The following SCAPER variants were observed in gnomAD, a reference collection of about 807,000 sequenced individuals.
SCAPER encodes the protein S phase cyclin A-associated protein in the endoplasmic reticulum.
A neutral mutation model predicts 182.2 loss-of-function variants in SCAPER; 98 were observed. That is an observed-to-expected ratio of 0.54 (90% CI 0.46 to 0.64). SCAPER has a LOEUF of 0.64. Ranked by LOEUF, SCAPER falls within the 30% of genes least tolerant of loss-of-function variation. The pLI, the probability that SCAPER is intolerant of heterozygous loss-of-function variation, is 0.00. For missense variants in SCAPER, 1,432 were observed against 1,690.0 expected, an observed-to-expected ratio of 0.85 and a Z score of 2.68; for synonymous variants, 605 against 564.6, an observed-to-expected ratio of 1.07 and a Z score of -1.01.
At chr15:76,595,605 A>G (rs1372291706) in intron 22 of SCAPER, among the ~76,000 whole-genome samples, 2 of 122,194 alleles carry the variant, frequency 1.6e-5, no homozygotes, top group African/African-American at 5.0e-5. Flanking sequence ...AGAAATCATA[A>G]CAAACAGTCT....
At chr15:76,479,685 C>T (rs1213962164) in intron 24 of SCAPER, among the ~76,000 whole-genome samples, 2 of 152,036 alleles carry the variant, frequency 1.3e-5, no homozygotes, top group Non-Finnish European at 2.9e-5. Context: ...AGAAAAGCTC[C>T]AGGTGGTTGC....
At chr15:76,733,531 C>A in intron 15 of SCAPER, 147 bp from the exon 16 acceptor site, 1 of 892,440 alleles carries the variant, frequency 1.1e-6, no homozygotes, top group East Asian at 2.8e-5. Context: ...GGCGGATCAC[C>A]TGAAGTTGGG....
Position 76,869,938 on chromosome 15 carries a change from T to G in SCAPER, c.7-7405A>C, listed in dbSNP as rs115205929. On this transcript the variant is annotated intron_variant, in intron 2 of 31. Coordinates refer to ENST00000563290, the MANE Select transcript of SCAPER (RefSeq NM_020843.4). ...TGAAAAAGAATAAAATCCTGTCACT[T>G]GCAACAACATAGATGGAACTGGAGG... 2.7e-3 allele frequency among the ~76,000 whole-genome samples: 408 copies of G among 152,300 alleles called. 1 individual carries two copies. The highest frequency in any genetic ancestry group is 9.5e-3 in the African/African-American group (395 of 41,554).
chr15:76,634,972 G>C (rs1567659643), intron 21 of SCAPER, among the ~76,000 whole-genome samples: 1 of 151,960 alleles, frequency 6.6e-6, no homozygotes, highest in Non-Finnish European at 1.5e-5. Context: ...TTTTAACATA[G>C]GCTAATTAAT....
intron 14 of SCAPER, among the ~76,000 whole-genome samples, chr15:76,756,985 C>G (rs1039694917): frequency 7.3e-6 from 1 of 137,896 alleles, no homozygotes; most frequent in African/African-American, 2.7e-5. Flanking sequence ...TCTAAATACA[C>G]AGACTCTCTT....
intron 21 of SCAPER, among the ~76,000 whole-genome samples, chr15:76,638,910 G>T (rs911970785): frequency 6.6e-6 from 1 of 152,062 alleles, no homozygotes; most frequent in African/African-American, 2.4e-5. Context: ...TGCAAGTTAG[G>T]CAACCATTTT....
intron 24 of SCAPER, among the ~76,000 whole-genome samples, chr15:76,497,367 T>A (rs2143595136): frequency 6.6e-6 from 1 of 152,056 alleles, no homozygotes; most frequent in South Asian, 2.1e-4. Flanking sequence ...TGCTCTTGAG[T>A]CAGATGACCT....
intron 22 of SCAPER, among the ~76,000 whole-genome samples, chr15:76,600,742 GC>G (rs2049877805): frequency 8.4e-6 from 1 of 119,744 alleles, no homozygotes; most frequent in South Asian, 2.6e-4. Context: ...GAGCCACTGC[GC>G]CCCACCCAGA....
chr15:76,471,320 T>C lies in SCAPER; in HGVS notation c.2970A>G (p.Ala990=), dbSNP rs1403590696. 2 of 1,609,436 alleles carry C rather than the reference T, an allele frequency of 1.2e-6. No individual in the cohort carries two copies. Among genetic ancestry groups the C allele is most frequent in the Non-Finnish European group, 1.7e-6 (2 of 1,178,000 alleles). The change falls in exon 25 of 32, where the codon GCA becomes GCG. Residue 990 remains alanine (A), a synonymous_variant. Coordinates refer to ENST00000563290, the MANE Select transcript of SCAPER (RefSeq NM_020843.4). ...LRIPPKSLCN[A]INVYNLTCNN... is the part of the protein sequence containing the mutation. ...TGCAGGTGAGGTTGTAAACATTGAT[T>C]GCATTGCAGAGAGACCTAAAAGAAG...
chr15:76,596,958 G>C (rs2049554605), intron 22 of SCAPER, among the ~76,000 whole-genome samples: 1 of 121,578 alleles, frequency 8.2e-6, no homozygotes, highest in Non-Finnish European at 2.0e-5. Context: ...GTTCTGGCCA[G>C]GACAATCAGG....
At chr15:76,831,429 C>T (rs1224480312) in intron 5 of SCAPER, among the ~76,000 whole-genome samples, 1 of 151,762 alleles carries the variant, frequency 6.6e-6, no homozygotes, top group Admixed American at 6.6e-5. Context: ...AGGACCCTGC[C>T]GGCACACACA....
intron 2 of SCAPER, among the ~76,000 whole-genome samples, chr15:76,876,747 T>A (rs1185079438): frequency 6.6e-6 from 1 of 152,134 alleles, no homozygotes; most frequent in Non-Finnish European, 1.5e-5. Flanking sequence ...ACAGCAAACA[T>A]CATATATAAT....
At chr15:76,793,787 T>C (rs117159397) in intron 8 of SCAPER, among the ~76,000 whole-genome samples, 1,676 of 152,358 alleles carry the variant, frequency 0.011, 11 homozygotes, top group Admixed American at 0.019. Flanking sequence ...AATCCTGATT[T>C]ATAGCTAGTT....
intron 26 of SCAPER, among the ~76,000 whole-genome samples, chr15:76,422,787 A>T (rs2046139087): frequency 2.6e-5 from 4 of 152,346 alleles, no homozygotes; most frequent in East Asian, 1.9e-4. Flanking sequence ...ATTTTGAGAT[A>T]CGACCCATCA....
At chr15:76,820,174 G>A (rs367772265) in intron 5 of SCAPER, among the ~76,000 whole-genome samples, 73 of 152,124 alleles carry the variant, frequency 4.8e-4, no homozygotes, top group South Asian at 6.2e-4. Context: ...TGTGGAAGTC[G>A]GTGTGGCGAT....
At chr15:76,494,674 G>A (rs1373429249) in intron 24 of SCAPER, among the ~76,000 whole-genome samples, 7 of 152,008 alleles carry the variant, frequency 4.6e-5, no homozygotes, top group Admixed American at 2.0e-4. Flanking sequence ...CGCAACCTTC[G>A]AACCAAATAG....
At chr15:76,386,124 T>C (rs1394941292) in intron 27 of SCAPER, among the ~76,000 whole-genome samples, 3 of 152,200 alleles carry the variant, frequency 2.0e-5, no homozygotes, top group Non-Finnish European at 4.4e-5. Context: ...TTCAAATCTC[T>C]TTCTAACGCT....
intron 21 of SCAPER, among the ~76,000 whole-genome samples, chr15:76,648,526 A>G (rs1246099092): frequency 6.6e-6 from 1 of 152,224 alleles, no homozygotes; most frequent in East Asian, 1.9e-4. Flanking sequence ...ACAGATTCAA[A>G]AAGCTAAATG....
chr15:76,893,683 T>C (rs2074277622), intron 1 of SCAPER, among the ~76,000 whole-genome samples: 1 of 152,166 alleles, frequency 6.6e-6, no homozygotes, highest in African/African-American at 2.4e-5. Flanking sequence ...AAAATAAGTC[T>C]TAACAAATCC....
Sources: gnomAD v4.1 joint callset for allele counts (sites outside exome capture counted in the v4.1 genomes callset) on GRCh38, gnomAD v4.1.1 for gene constraint, MANE v1.5 for transcripts, NCBI Gene and HGNC (gene_info 2026-07-23, HGNC 2026-07-21) for gene names.